The following UBE2E3 variants were observed in gnomAD, a reference collection of about 807,000 sequenced individuals.
The protein encoded by UBE2E3 is ubiquitin-conjugating enzyme E2 E3.
In UBE2E3, 5 loss-of-function variants were observed where a neutral mutation model predicts 23.6. That is an observed-to-expected ratio of 0.21 (90% confidence interval 0.11 to 0.44). The LOEUF (loss-of-function observed/expected upper bound fraction) is 0.44, where lower values mean the gene tolerates loss of function less well. Ranked by LOEUF, UBE2E3 falls within the 20% of genes least tolerant of loss-of-function variation. The probability of loss-of-function intolerance (pLI) is 0.99; values close to 1 mark genes in which losing one functional copy is unlikely to be tolerated. For synonymous variants in UBE2E3, 78 were observed against 87.5 expected (o/e 0.89, Z 0.60); for missense variants, 81 against 249.8 (o/e 0.32, Z 4.55).
chr2:181,009,713 T>A (rs1685260230), intron 3 of UBE2E3, among the ~76,000 whole-genome samples: 1 of 152,116 alleles, frequency 6.6e-6, no homozygotes, highest in African/African-American at 2.4e-5. Context: ...TAAGTGATAA[T>A]TGTGACAATT....
chr2:180,986,044 A>G lies in UBE2E3; in HGVS notation c.245+1951A>G, dbSNP rs559664822. Among the ~76,000 whole-genome samples, 13 of 152,250 alleles carry G rather than the reference A, an allele frequency of 8.5e-5. No individual in the cohort carries two copies. The East Asian group carries it at 2.3e-3, about 27-fold the overall frequency. ...TCTTTCTCTTTATATACCAGATTTC[A>G]TTTAAGTCCTTGAAATAATGCTTCC... On this transcript the variant is annotated intron_variant, in intron 3 of 5. Coordinates refer to ENST00000410062, the MANE Select transcript of UBE2E3 (RefSeq NM_006357.4).
At chr2:180,987,451 A>G (rs1684516400) in intron 3 of UBE2E3, 3 of 1,520,090 alleles carry the variant, frequency 2.0e-6, no homozygotes, top group Non-Finnish European at 1.8e-6. Context: ...AAGCACAAAT[A>G]TACTGACGAA....
chr2:180,984,978 G>T, intron 3 of UBE2E3, among the ~76,000 whole-genome samples: 1 of 152,038 alleles, frequency 6.6e-6, no homozygotes, highest in Non-Finnish European at 1.5e-5. Context: ...GCAGTTTTAT[G>T]GTTTGATAGG....
chr2:180,994,255 G>T (rs1465874558), intron 3 of UBE2E3, among the ~76,000 whole-genome samples: 1 of 152,028 alleles, frequency 6.6e-6, no homozygotes, highest in Non-Finnish European at 1.5e-5. Flanking sequence ...TTCTGCCGAG[G>T]TTTCTTAATT....
chr2:181,044,244 A>G (rs961885495), intron 3 of UBE2E3, among the ~76,000 whole-genome samples: 2 of 152,198 alleles, frequency 1.3e-5, no homozygotes, highest in Admixed American at 6.5e-5. Context: ...CAGAAAAAGT[A>G]TAATGTTCAA....
chr2:180,983,994 T>C (rs1382925224), intron 2 of UBE2E3, 49 bp from the exon 3 acceptor site: 2 of 1,509,312 alleles, frequency 1.3e-6, no homozygotes, highest in African/African-American at 2.7e-5. Flanking sequence ...CCCTGGTTAT[T>C]CTGTAGACTA....
chr2:181,062,776 T>G lies in UBE2E3; in HGVS notation c.527-15T>G, dbSNP rs577227629. The G allele has an allele frequency of 3.3e-5, 51 of 1,556,678 alleles. No homozygotes were observed. The highest frequency in any genetic ancestry group is 1.7e-4 in the Middle Eastern group (1 of 5,896). The stretch of plus-strand genomic sequence containing the variant: ...TACCACAAAATAGCTTTTAATGTTC[T>G]TTCTGCTTTTCCAGCGGATCCTCTG... On this transcript the variant is annotated splice_polypyrimidine_tract_variant and intron_variant, in intron 5 of 5. Coordinates refer to ENST00000410062, the MANE Select transcript of UBE2E3 (RefSeq NM_006357.4).
rs568332441 is a variant in UBE2E3 at position 181,062,173 on chromosome 2, T to C, written c.527-618T>C. 3.3e-5 allele frequency among the ~76,000 whole-genome samples: 5 copies of C among 150,836 alleles called. No homozygotes were observed. The East Asian group carries it at 1.0e-3, about 31-fold the overall frequency. The stretch of plus-strand genomic sequence containing the variant: ...GAGCAGTTGGAGTCAGGAAGGAAGA[T>C]AGTTTTTTTTTACTGGCTATGGTTT... On this transcript the variant is annotated intron_variant, in intron 5 of 5. Transcript: ENST00000410062.
chr2:181,045,058 A>G (rs1372735407), intron 3 of UBE2E3, among the ~76,000 whole-genome samples: 3 of 152,148 alleles, frequency 2.0e-5, no homozygotes, highest in African/African-American at 7.2e-5. Flanking sequence ...CTGCTGCTTT[A>G]TAAGCAGAAA....
intron 3 of UBE2E3, among the ~76,000 whole-genome samples, chr2:181,053,698 C>T (rs1441509592): frequency 6.6e-6 from 1 of 151,824 alleles, no homozygotes; most frequent in Non-Finnish European, 1.5e-5. Flanking sequence ...TACATTAACA[C>T]ATCATTATCA....
chr2:181,014,873 C>G (rs1257288069), intron 3 of UBE2E3, among the ~76,000 whole-genome samples: 3 of 152,100 alleles, frequency 2.0e-5, no homozygotes, highest in African/African-American at 7.2e-5. Flanking sequence ...TCTCTTCGAG[C>G]TACTTTGAAA....
Position 181,014,670 on chromosome 2 carries a change from A to G in UBE2E3, c.245+30577A>G, listed in dbSNP as rs183790059. Among the ~76,000 whole-genome samples, 11 of 152,234 alleles carry G rather than the reference A, an allele frequency of 7.2e-5. No homozygotes were observed. In the East Asian group the frequency reaches 2.1e-3, roughly 29 times the overall value. On this transcript the variant is annotated intron_variant, in intron 3 of 5. Transcript: ENST00000410062. ...GTTGAGGACTGGATAATCTTTATTG[A>G]TTGTTGTCTCTTGGAGGTGACTTCA...
intron 3 of UBE2E3, among the ~76,000 whole-genome samples, chr2:181,028,064 T>G (rs1685954222): frequency 6.6e-6 from 1 of 152,094 alleles, no homozygotes; most frequent in Non-Finnish European, 1.5e-5. Flanking sequence ...TTTTCATTCA[T>G]TTCCTTACTT....
chr2:181,033,770 C>T (rs963245636), intron 3 of UBE2E3, among the ~76,000 whole-genome samples: 8 of 152,056 alleles, frequency 5.3e-5, no homozygotes, highest in African/African-American at 1.9e-4. Context: ...AAAATTTTTG[C>T]AAGCTACCCA....
chr2:181,018,588 C>T (rs1685570600), intron 3 of UBE2E3, among the ~76,000 whole-genome samples: 1 of 134,940 alleles, frequency 7.4e-6, no homozygotes, highest in Non-Finnish European at 1.6e-5. Flanking sequence ...CATTTTGTTT[C>T]AATTTCTGTG....
chr2:181,054,978 A>T (rs1349755794), intron 3 of UBE2E3, among the ~76,000 whole-genome samples: 2 of 151,712 alleles, frequency 1.3e-5, no homozygotes, highest in Non-Finnish European at 2.9e-5. Flanking sequence ...ATCAAGGAGG[A>T]TGTGATTGGC....
intron 3 of UBE2E3, among the ~76,000 whole-genome samples, chr2:181,027,709 C>G (rs377040309): frequency 2.2e-4 from 34 of 151,956 alleles, no homozygotes; most frequent in African/African-American, 8.2e-4. Context: ...AAATTCTCTC[C>G]TAGTGTCGTT....
At chr2:181,043,265 A>G (rs1686569121) in intron 3 of UBE2E3, among the ~76,000 whole-genome samples, 1 of 152,226 alleles carries the variant, frequency 6.6e-6, no homozygotes, top group African/African-American at 2.4e-5. Context: ...GTGAATAAAT[A>G]TAAGAAAATG....
intron 3 of UBE2E3, among the ~76,000 whole-genome samples, chr2:181,026,724 G>T (rs1319604181): frequency 6.6e-6 from 1 of 151,088 alleles, no homozygotes; most frequent in Non-Finnish European, 1.5e-5. Context: ...ACCTCGACTG[G>T]ACTGCCTAAA....
Sources: gnomAD v4.1 joint callset for allele counts (sites outside exome capture counted in the v4.1 genomes callset) on GRCh38, gnomAD v4.1.1 for gene constraint, MANE v1.5 for transcripts, NCBI Gene and HGNC (gene_info 2026-07-23, HGNC 2026-07-21) for gene names.